Variants in EXOC1 observed in about 807,000 individuals in gnomAD.
EXOC1 encodes the protein SEC3-like 1.
In EXOC1, 67 loss-of-function variants were observed where a neutral mutation model predicts 107.7. That is an observed-to-expected ratio of 0.62 (90% CI 0.51 to 0.76). The LOEUF (loss-of-function observed/expected upper bound fraction) is 0.76, where lower values mean the gene tolerates loss of function less well. Ranked by LOEUF, EXOC1 falls within the 30% of genes least tolerant of loss-of-function variation. The pLI is 0.00. For synonymous variants in EXOC1, 348 were observed against 353.5 expected (o/e 0.98, Z 0.17); for missense variants, 833 against 1,055.7 (o/e 0.79, Z 2.92).
chr4:55,883,815 A>C lies in EXOC1; in HGVS notation c.1225-8A>C. The C allele has an allele frequency of 6.5e-7, 1 of 1,528,708 alleles. No homozygotes were observed. Among genetic ancestry groups the C allele is most frequent in the South Asian group, 1.2e-5 (1 of 81,452 alleles). The allele number at this position is 1,528,708 out of a possible 1,614,324, so 94.7% of individuals were successfully genotyped here. ...TTAATAAGAAGTACATGTTACTTTT[A>C]TTTTAAGAATTACATGGATTATTTA... On this transcript the variant is annotated splice_polypyrimidine_tract_variant and splice_region_variant and intron_variant, in intron 9 of 18. Transcript: ENST00000381295.
At chr4:55,898,897 C>T (rs1228658349) in intron 16 of EXOC1, among the ~76,000 whole-genome samples, 1 of 151,998 alleles carries the variant, frequency 6.6e-6, no homozygotes, top group Non-Finnish European at 1.5e-5. Context: ...GTATACTTGT[C>T]AAATAATTTC....
chr4:55,900,508 G>A (rs1049983380), intron 17 of EXOC1: 9 of 151,980 alleles, frequency 5.9e-5, no homozygotes, highest in African/African-American at 2.2e-4. Context: ...AACTTTACAA[G>A]ATAGTGAAAG....
Position 55,858,322 on chromosome 4 carries a change from A to G in EXOC1, c.-2A>G. On this transcript the variant is annotated 5_prime_UTR_variant, in exon 2 of 19. Transcript: ENST00000381295. The stretch of plus-strand genomic sequence containing the variant: ...TACTCCACATTTTTCAGCTGAGAAA[A>G]GATGACAGCAATCAAGCATGCATTA... 1 of 1,603,812 alleles carries G rather than the reference A, an allele frequency of 6.2e-7. No individual in the cohort carries two copies. Among genetic ancestry groups the G allele is most frequent in the South Asian group, 1.1e-5 (1 of 87,978 alleles).
chr4:55,885,275 C>T (rs1419876073), intron 10 of EXOC1, among the ~76,000 whole-genome samples: 2 of 152,044 alleles, frequency 1.3e-5, no homozygotes, highest in African/African-American at 4.8e-5. Flanking sequence ...AAAATTATCT[C>T]CTGAGTAGGT....
At chr4:55,883,755 G>A in intron 9 of EXOC1, 68 bp from the exon 10 acceptor site, 1 of 933,468 alleles carries the variant, frequency 1.1e-6, no homozygotes, top group Non-Finnish European at 1.6e-6. Context: ...AAGGACTTGG[G>A]GAATTGAAAA....
intron 11 of EXOC1, among the ~76,000 whole-genome samples, chr4:55,889,256 T>C (rs1295798304): frequency 6.6e-6 from 1 of 152,212 alleles, no homozygotes; most frequent in East Asian, 1.9e-4. Context: ...GAAGCCAAAG[T>C]TTATCTTTAA....
chr4:55,866,367 C>G (rs1035308813), intron 4 of EXOC1, among the ~76,000 whole-genome samples: 1 of 151,946 alleles, frequency 6.6e-6, no homozygotes, highest in Admixed American at 6.6e-5. Flanking sequence ...AAAAAAGAAT[C>G]TTTGACTTGA....
chr4:55,878,102 A>T (rs1413465877), intron 9 of EXOC1, 36 bp downstream of exon 9: 1 of 1,592,600 alleles, frequency 6.3e-7, no homozygotes, highest in South Asian at 1.1e-5. Context: ...CTGAGAATAG[A>T]GCATTATCTT....
chr4:55,876,721 G>A, intron 8 of EXOC1: 2 of 985,376 alleles, frequency 2.0e-6, no homozygotes, highest in Non-Finnish European at 2.4e-6. Context: ...AGTTTCCCAA[G>A]TTAACCTAAG....
intron 18 of EXOC1, 147 bp from the exon 19 acceptor site, chr4:55,904,195 TA>T: frequency 1.5e-6 from 1 of 662,596 alleles, no homozygotes; most frequent in Non-Finnish European, 2.3e-6. Context: ...ATCTTGTAGG[TA>T]AAAGTGACTG....
Position 55,896,979 on chromosome 4 carries a change from G to A in EXOC1, c.2137+79G>A, listed in dbSNP as rs113434476. The A allele has an allele frequency of 2.3e-3, 2,730 of 1,194,360 alleles. 50 individuals are homozygous for A. The African/African-American group carries it at 0.037, about 16-fold the overall frequency. 74.0% of individuals were successfully genotyped at this position (1,194,360 alleles called of 1,614,324 possible). The stretch of plus-strand genomic sequence containing the variant: ...GTAACTAAGAAATCGGGAGCAGATA[G>A]GTTCATTATTTTGTATATCTTATAA... On this transcript the variant is annotated intron_variant, in intron 16 of 18. Coordinates refer to ENST00000381295, the MANE Select transcript of EXOC1 (RefSeq NM_001024924.2).
chr4:55,888,409 A>G (rs1330470320), intron 10 of EXOC1, among the ~76,000 whole-genome samples: 1 of 152,114 alleles, frequency 6.6e-6, no homozygotes, highest in Non-Finnish European at 1.5e-5. Flanking sequence ...TTTTTGTTGG[A>G]TATAGTATAA....
chr4:55,899,832 A>G lies in EXOC1; in HGVS notation c.2285A>G (p.His762Arg). 6.2e-7 allele frequency: 1 copy of G among 1,613,096 alleles called. No individual in the cohort carries two copies. The highest frequency in any genetic ancestry group is 1.7e-5 in the Admixed American group (1 of 59,998). ...KKEAKQKYTD[H>R]LQSYVIYSLG... ...GAAGCCAAACAAAAATACACAGATC[A>G]CCTTCAGTCTTATGTCATTTACTCT... The change falls in exon 17 of 19, where the codon CAC becomes CGC. Residue 762 changes from histidine (H) to arginine (R), a missense_variant. Physicochemically the swap from His to Arg is conservative, Grantham distance 29. Around this residue, in one of 2 missense-constraint regions of EXOC1, gnomAD observed 216 missense variants for 354.4 expected, o/e 0.61. Coordinates refer to ENST00000381295, the MANE Select transcript of EXOC1 (RefSeq NM_001024924.2).
chr4:55,856,321 A>G (rs1456360437), intron 1 of EXOC1, among the ~76,000 whole-genome samples: 1 of 152,230 alleles, frequency 6.6e-6, no homozygotes, highest in African/African-American at 2.4e-5. Context: ...GTATAGGGAA[A>G]TGAGCACTGT....
intron 6 of EXOC1, 24 bp downstream of exon 6, chr4:55,870,929 A>G (rs1553875228): frequency 3.8e-6 from 6 of 1,575,196 alleles, no homozygotes; most frequent in Non-Finnish European, 5.2e-6. Context: ...TAAATTACCA[A>G]CAAAAAAAAA....
chr4:55,895,064 T>C (rs1254922278), intron 15 of EXOC1, among the ~76,000 whole-genome samples: 1 of 152,164 alleles, frequency 6.6e-6, no homozygotes, highest in Non-Finnish European at 1.5e-5. Flanking sequence ...GTTGCATATA[T>C]ATATATAAAG....
intron 11 of EXOC1, 66 bp from the exon 12 acceptor site, chr4:55,890,157 C>T (rs1242617144): frequency 6.0e-6 from 9 of 1,495,742 alleles, no homozygotes; most frequent in Non-Finnish European, 8.3e-6. Context: ...AAGATCTATC[C>T]CTGCTTTATA....
intron 8 of EXOC1, chr4:55,876,970 A>G (rs1420773295): frequency 7.1e-6 from 7 of 985,264 alleles, no homozygotes; most frequent in Non-Finnish European, 8.4e-6. Context: ...TTTCTCAGTT[A>G]CCAAGGAACT....
At chr4:55,877,751 A>G (rs1048759738) in intron 8 of EXOC1, 166 bp from the exon 9 acceptor site, 1 of 984,564 alleles carries the variant, frequency 1.0e-6, no homozygotes. Flanking sequence ...CAGGATATAA[A>G]AGTTGTGTAA....
Sources: allele counts gnomAD v4.1 joint callset (sites outside exome capture counted in the v4.1 genomes callset), GRCh38; gene constraint gnomAD v4.1.1; regional missense constraint gnomAD v4.1.1; transcripts MANE v1.5; gene names NCBI Gene and HGNC (gene_info 2026-07-23, HGNC 2026-07-21).